BIRC6: variants seen among roughly 807,000 people sequenced by gnomAD.
The protein encoded by BIRC6 is dual E2 ubiquitin-conjugating enzyme/E3 ubiquitin-protein ligase BIRC6.
Under a neutral mutation model 503.3 loss-of-function variants are expected in BIRC6, and 98 were observed. The ratio of observed to expected loss-of-function variants is 0.19; its 90% CI spans 0.17 to 0.23. The LOEUF (loss-of-function observed/expected upper bound fraction) is 0.23, where lower values mean the gene tolerates loss of function less well. BIRC6 is among the 10% of genes least tolerant of loss of function. The pLI is 1.00. For missense variants in BIRC6, 5,360 were observed against 5,806.0 expected (o/e 0.92, Z 2.50); for synonymous variants, 2,240 against 2,078.7 (o/e 1.08, Z -2.11).
intron 65 of BIRC6, chr2:32,564,709 A>T (rs548939651): frequency 4.6e-5 from 7 of 152,360 alleles, no homozygotes; most frequent in African/African-American, 1.7e-4. Context: ...AGGGGATTGA[A>T]TGTCAACTTC....
At chr2:32,461,927 A>G (rs921941594) in intron 23 of BIRC6, among the ~76,000 whole-genome samples, 1 of 152,146 alleles carries the variant, frequency 6.6e-6, no homozygotes, top group Non-Finnish European at 1.5e-5. Context: ...TGTAGCTTCC[A>G]TGCTTAACAC....
At chr2:32,559,491 G>A (rs17429446) in intron 65 of BIRC6, among the ~76,000 whole-genome samples, 6,808 of 152,236 alleles carry the variant, frequency 0.045, 242 homozygotes, top group Non-Finnish European at 0.072. Flanking sequence ...GCTCTTCATG[G>A]CAAAAATAGA....
intron 10 of BIRC6, among the ~76,000 whole-genome samples, chr2:32,421,147 G>A (rs1404786133): frequency 2.1e-5 from 3 of 140,958 alleles, no homozygotes; most frequent in South Asian, 4.5e-4. Context: ...TTTCACTGTC[G>A]CCAGGCTGGA....
rs189893526 is a variant in BIRC6 at position 32,508,758 on chromosome 2, T to C, written c.9980+499T>C. Among the ~76,000 whole-genome samples, 443 of 152,290 alleles carry C rather than the reference T, an allele frequency of 2.9e-3. 1 individual carries two copies. The highest frequency in any genetic ancestry group is 4.3e-3 in the Non-Finnish European group (293 of 68,018). Reference sequence around the variant, plus strand: ...TAAATTTTGACAGCTGGATGTTTTATAGATGGATTTTATTGAAAGTTCTGC... The same window carrying C: ...TAAATTTTGACAGCTGGATGTTTTACAGATGGATTTTATTGAAAGTTCTGC... On this transcript the variant is annotated intron_variant, in intron 51 of 73. Coordinates refer to ENST00000421745, the MANE Select transcript of BIRC6 (RefSeq NM_016252.4).
intron 11 of BIRC6, among the ~76,000 whole-genome samples, chr2:32,430,020 GGAAA>G (rs774887024): frequency 1.2e-4 from 18 of 151,970 alleles, no homozygotes; most frequent in Non-Finnish European, 2.5e-4. Flanking sequence ...AATAAATAAT[GGAAA>G]GAAAGAAGAT....
chr2:32,414,774 A>G lies in BIRC6; in HGVS notation c.1483A>G (p.Thr495Ala), dbSNP rs571201652. ...HSRSDSVTGH[T>A]SQKEAMEVSL... is the part of the protein sequence containing the mutation. ...AATATTGTTCCTTTTTAAAGGGCAT[A>G]CATCACAGAAGGAAGCCATGGAAGT... The change falls in exon 10 of 74, where the codon ACA becomes GCA. Residue 495 changes from threonine to alanine, a missense_variant. Physicochemically the swap from Thr to Ala is moderately conservative, Grantham distance 58 (BLOSUM62 0). Coordinates refer to ENST00000421745, the MANE Select transcript of BIRC6 (RefSeq NM_016252.4). 8.7e-6 allele frequency: 14 copies of G among 1,610,654 alleles called. No individual in the cohort carries two copies. Among genetic ancestry groups the G allele is most frequent in the Non-Finnish European group, 1.2e-5 (14 of 1,177,616 alleles).
chr2:32,505,235 G>A, intron 50 of BIRC6, 30 bp downstream of exon 50: 1 of 1,483,806 alleles, frequency 6.7e-7, no homozygotes, highest in Non-Finnish European at 9.2e-7. Flanking sequence ...GAAGCATCAT[G>A]AGAACAAGCT....
rs150965967 is a variant in BIRC6 at position 32,453,870 on chromosome 2, T to C, written c.4681T>C (p.Leu1561=). ...TAGTTTCACATCTCTCACTGGACTTTTGGAAGTTGAACCTCTGCACTTTAC... is the reference window on the plus strand; with the variant it reads ...TAGTTTCACATCTCTCACTGGACTTCTGGAAGTTGAACCTCTGCACTTTAC... ...EGSFTSLTGL[L]EVEPLHFTCV... is the part of the protein sequence containing the mutation. The change falls in exon 23 of 74, where the codon TTG becomes CTG. Residue 1561 remains leucine, a synonymous_variant. Transcript: ENST00000421745. 6.8e-6 allele frequency: 11 copies of C among 1,613,754 alleles called. No individual in the cohort carries two copies. The highest frequency in any genetic ancestry group is 1.3e-5 in the African/African-American group (1 of 75,036).
At chr2:32,377,473 C>A in intron 1 of BIRC6, 115 bp from the exon 2 acceptor site, 1 of 778,358 alleles carries the variant, frequency 1.3e-6, no homozygotes, top group Non-Finnish European at 1.8e-6. Context: ...AAGTTTTTTC[C>A]AGTTTAAGAT....
chr2:32,423,241 G>T (rs1407888793), intron 10 of BIRC6, among the ~76,000 whole-genome samples: 2 of 152,088 alleles, frequency 1.3e-5, no homozygotes, highest in Non-Finnish European at 2.9e-5. Context: ...GAGACTCTCA[G>T]TTCTTAAGAG....
intron 9 of BIRC6, among the ~76,000 whole-genome samples, chr2:32,414,222 A>T (rs1311990622): frequency 1.3e-5 from 2 of 152,290 alleles, no homozygotes; most frequent in Admixed American, 6.5e-5. Context: ...GGTTTTGGTG[A>T]GCTGAGATCA....
chr2:32,591,241 A>T (rs1312735853), intron 66 of BIRC6, among the ~76,000 whole-genome samples: 2 of 152,218 alleles, frequency 1.3e-5, no homozygotes, highest in African/African-American at 4.8e-5. Flanking sequence ...TATCTGCTTT[A>T]TGATTCAACC....
Position 32,471,082 on chromosome 2 carries a change from A to C in BIRC6, c.6550A>C (p.Thr2184Pro). The change falls in exon 32 of 74, where the codon ACT becomes CCT. Residue 2184 changes from threonine to proline, a missense_variant. Transcript: ENST00000421745. The stretch of plus-strand genomic sequence containing the variant: ...GTCCAGGTTGCTGGATTATGTGGCA[A>C]CTGTTGAAGATGAAGCAGCAGCTGC... ...LVSRLLDYVATVEDEAAAAKK... is the reference protein window; with the variant it reads ...LVSRLLDYVAPVEDEAAAAKK... The C allele has an allele frequency of 6.3e-7, 1 of 1,582,344 alleles. No individual in the cohort carries two copies. Among genetic ancestry groups the C allele is most frequent in the Non-Finnish European group, 8.6e-7 (1 of 1,162,242 alleles).
intron 3 of BIRC6, among the ~76,000 whole-genome samples, chr2:32,381,470 C>T (rs1558574275): frequency 6.6e-6 from 1 of 151,420 alleles, no homozygotes. Flanking sequence ...GAACTCCCGA[C>T]CTCAGGTGAT....
intron 1 of BIRC6, among the ~76,000 whole-genome samples, chr2:32,375,816 G>A (rs2036684961): frequency 1.4e-5 from 2 of 148,004 alleles, no homozygotes; most frequent in Admixed American, 6.8e-5. Context: ...GGAACACTTC[G>A]AGCATCACTA....
intron 23 of BIRC6, among the ~76,000 whole-genome samples, chr2:32,460,311 G>A (rs1399754590): frequency 4.1e-5 from 4 of 98,664 alleles, no homozygotes; most frequent in Admixed American, 1.5e-4. Flanking sequence ...ATGGAGTCTC[G>A]CTCTGTTGCC....
At chr2:32,571,567 G>T (rs1293896616) in intron 65 of BIRC6, among the ~76,000 whole-genome samples, 1 of 151,750 alleles carries the variant, frequency 6.6e-6, no homozygotes, top group African/African-American at 2.4e-5. Flanking sequence ...AATAGTCCCT[G>T]ATCTTTTGTA....
chr2:32,472,699 TA>T (rs2049241425), intron 32 of BIRC6, among the ~76,000 whole-genome samples: 1 of 152,224 alleles, frequency 6.6e-6, no homozygotes, highest in Non-Finnish European at 1.5e-5. Flanking sequence ...TATTTAACCT[TA>T]TTTTGGTAGT....
chr2:32,511,201 C>CTT, intron 53 of BIRC6, among the ~76,000 whole-genome samples: 48 of 48,582 alleles, frequency 9.9e-4, no homozygotes, highest in African/African-American at 2.2e-3. Context: ...CTTTTCTTTT[C>CTT]TTTTTTTTTT....
Sources: gnomAD v4.1 joint callset for allele counts (sites outside exome capture counted in the v4.1 genomes callset) on GRCh38, gnomAD v4.1.1 for gene constraint, MANE v1.5 for transcripts, NCBI Gene and HGNC (gene_info 2026-07-23, HGNC 2026-07-21) for gene names.